TDRD9: variants seen among roughly 807,000 people sequenced by gnomAD.
TDRD9 encodes ATP-dependent RNA helicase TDRD9.
Under a neutral mutation model 172.6 loss-of-function variants are expected in TDRD9, and 124 were observed. The observed-to-expected ratio is 0.72, with a 90% CI of 0.62 to 0.83. TDRD9 has a LOEUF of 0.83. Ranked by LOEUF, TDRD9 falls within the 40% of genes least tolerant of loss-of-function variation. The pLI, the probability that TDRD9 is intolerant of heterozygous loss-of-function variation, is 0.00. For synonymous variants in TDRD9, 619 were observed against 617.1 expected (o/e 1.00, Z -0.05); for missense variants, 1,479 against 1,714.1 (o/e 0.86, Z 2.42).
chr14:103,971,909 A>G (rs1304952978), intron 6 of TDRD9, among the ~76,000 whole-genome samples: 2 of 151,934 alleles, frequency 1.3e-5, no homozygotes, highest in East Asian at 3.9e-4. Flanking sequence ...TAATCCCAGC[A>G]GTTTGGGGGG....
At chr14:103,973,619 A>G (rs905301423) in intron 6 of TDRD9, among the ~76,000 whole-genome samples, 92 of 152,312 alleles carry the variant, frequency 6.0e-4, no homozygotes, top group African/African-American at 2.0e-3. Context: ...TGCTCCCTGC[A>G]TTCCAGGCTT....
chr14:104,040,482 A>AGG (rs2152263998), intron 33 of TDRD9, 148 bp downstream of exon 33: 38 of 884,320 alleles, frequency 4.3e-5, no homozygotes, highest in Non-Finnish European at 5.3e-5. Flanking sequence ...TCCCTCCTGG[A>AGG]GTCACCCTCC....
At chr14:103,938,418 A>G (rs1278924729) in intron 1 of TDRD9, among the ~76,000 whole-genome samples, 9 of 77,462 alleles carry the variant, frequency 1.2e-4, no homozygotes, top group African/African-American at 4.2e-4. Context: ...GTGTGTGTAT[A>G]TATATATATA....
chr14:103,947,491 C>A (rs2031632604), intron 1 of TDRD9, among the ~76,000 whole-genome samples: 1 of 152,102 alleles, frequency 6.6e-6, no homozygotes, highest in Middle Eastern at 3.4e-3. Flanking sequence ...CCACGCCCGG[C>A]TAATTTTTTT....
intron 8 of TDRD9, among the ~76,000 whole-genome samples, chr14:103,987,793 T>C (rs976461324): frequency 1.3e-5 from 2 of 152,242 alleles, no homozygotes; most frequent in African/African-American, 4.8e-5. Flanking sequence ...TCAGGTCTTC[T>C]ACTTCTTGAT....
At chr14:103,977,128 T>C (rs529578923) in intron 7 of TDRD9, among the ~76,000 whole-genome samples, 1 of 152,326 alleles carries the variant, frequency 6.6e-6, no homozygotes, top group Admixed American at 6.5e-5. Context: ...CATTTTTTCC[T>C]GTATTAGCCA....
chr14:104,006,570 A>G lies in TDRD9; in HGVS notation c.1879+16A>G, dbSNP rs771126815. ...CTTATTATAGGTAAGTGTGAGAACA[A>G]ATAAATGCTAATGGGAAGTTTATAT... On this transcript the variant is annotated intron_variant, in intron 16 of 35. Transcript: ENST00000409874. 8 of 1,612,480 alleles carry G rather than the reference A, an allele frequency of 5.0e-6. No individual in the cohort carries two copies. In the South Asian group the frequency reaches 8.8e-5, roughly 18 times the overall value.
intron 1 of TDRD9, among the ~76,000 whole-genome samples, chr14:103,950,843 A>G (rs12883364): frequency 0.27 from 40,815 of 152,136 alleles, 5,703 homozygotes; most frequent in Non-Finnish European, 0.32. Flanking sequence ...ATAACAAAAA[A>G]GACTCTACAA....
At chr14:104,026,339 A>G (rs2035118048) in intron 27 of TDRD9, among the ~76,000 whole-genome samples, 1 of 152,206 alleles carries the variant, frequency 6.6e-6, no homozygotes, top group African/African-American at 2.4e-5. Context: ...TTTAGCAAAA[A>G]AAGTTGTTTT....
At chr14:103,951,399 C>T (rs1356587121) in intron 1 of TDRD9, among the ~76,000 whole-genome samples, 3 of 152,186 alleles carry the variant, frequency 2.0e-5, no homozygotes, top group African/African-American at 7.2e-5. Context: ...TTTTAACCCC[C>T]TTTAATTCTT....
chr14:104,049,397 A>G (rs968424132), intron 34 of TDRD9: 1 of 376,930 alleles, frequency 2.7e-6, no homozygotes. Flanking sequence ...TAGGTCTTAC[A>G]GATCTGTCAC....
At chr14:103,957,960 C>G (rs1373741494) in intron 2 of TDRD9, among the ~76,000 whole-genome samples, 2 of 152,124 alleles carry the variant, frequency 1.3e-5, no homozygotes, top group Non-Finnish European at 2.9e-5. Flanking sequence ...ATATTTGGGG[C>G]TTTTCTCTGG....
chr14:104,048,873 C>T (rs915490882), intron 34 of TDRD9, among the ~76,000 whole-genome samples: 2 of 152,138 alleles, frequency 1.3e-5, no homozygotes, highest in Admixed American at 1.3e-4. Flanking sequence ...GAGGATTTTT[C>T]CCCCTCTGAT....
At chr14:103,964,094 A>G (rs2032630909) in intron 3 of TDRD9, among the ~76,000 whole-genome samples, 1 of 152,036 alleles carries the variant, frequency 6.6e-6, no homozygotes, top group South Asian at 2.1e-4. Flanking sequence ...ACACCCCCCA[A>G]AATTAGTGGA....
chr14:104,044,747 A>G (rs2035715666), intron 34 of TDRD9, among the ~76,000 whole-genome samples: 1 of 152,260 alleles, frequency 6.6e-6, no homozygotes, highest in Non-Finnish European at 1.5e-5. Context: ...GCTGCTATGA[A>G]TAGTCACATA....
chr14:104,025,634 C>A lies in TDRD9; in HGVS notation c.2789C>A (p.Thr930Asn). 6.2e-7 allele frequency: 1 copy of A among 1,614,044 alleles called. No individual in the cohort carries two copies. The highest frequency in any genetic ancestry group is 8.5e-7 in the Non-Finnish European group (1 of 1,179,894). ...ENNSEILKKL[T>N]AEINQLTLVP... ...AACTCAGAGATTCTGAAAAAGCTTA[C>A]TGCTGAAATCAACCAACTGACGCTG... is the stretch of plus-strand genomic sequence containing the variant. Residue 930 changes from threonine (T) to asparagine (N), a missense_variant, in exon 26 of 36, where the codon ACT becomes AAT. Physicochemically the swap from Thr to Asn is moderately conservative, Grantham distance 65. Around this residue, in one of 3 missense-constraint regions of TDRD9, gnomAD observed 1,413 missense variants for 1,649.1 expected, o/e 0.86. Transcript: ENST00000409874.
chr14:103,928,501 G>T lies in TDRD9; in HGVS notation c.-9G>T, dbSNP rs1236004313. ...GCAGTTGGGGGATGCCGACGCCTGGGCCTTGAGGATGCTGCGGAAGCTCAC... is the reference window on the plus strand; with the variant it reads ...GCAGTTGGGGGATGCCGACGCCTGGTCCTTGAGGATGCTGCGGAAGCTCAC... On this transcript the variant is annotated 5_prime_UTR_variant, in exon 1 of 36. Coordinates refer to ENST00000409874, the MANE Select transcript of TDRD9 (RefSeq NM_153046.3). The T allele has an allele frequency of 7.0e-6, 10 of 1,429,222 alleles. No individual in the cohort carries two copies. In the East Asian group the frequency reaches 3.2e-4, roughly 46 times the overall value. The allele number at this position is 1,429,222 out of a possible 1,614,324, so 88.5% of individuals were successfully genotyped here.
At chr14:104,034,609 G>C (rs2035393818) in intron 31 of TDRD9, among the ~76,000 whole-genome samples, 1 of 152,156 alleles carries the variant, frequency 6.6e-6, no homozygotes, top group Non-Finnish European at 1.5e-5. Flanking sequence ...TTGACTCCTG[G>C]ATCTTTCATT....
Position 103,955,783 on chromosome 14 carries a change from CTT to C in TDRD9, c.322+15_322+16del, listed in dbSNP as rs1326167213. On this transcript the variant is annotated intron_variant, in intron 2 of 35. Coordinates refer to ENST00000409874, the MANE Select transcript of TDRD9 (RefSeq NM_153046.3). ...ACCAGTGGGCCAGGTAAACAGGTCT[CTT>C]TAAATATTTTAGATAGGATGCATGA... 1 of 1,546,438 alleles carries C rather than the reference CTT, an allele frequency of 6.5e-7. No homozygotes were observed. Among genetic ancestry groups the C allele is most frequent in the Non-Finnish European group, 8.7e-7 (1 of 1,143,538 alleles).
Sources: gnomAD v4.1 joint callset for allele counts (sites outside exome capture counted in the v4.1 genomes callset) on GRCh38, gnomAD v4.1.1 for gene constraint, gnomAD v4.1.1 regional missense constraint, MANE v1.5 for transcripts, NCBI Gene and HGNC (gene_info 2026-07-23, HGNC 2026-07-21) for gene names.